The following EMILIN2 variants were observed in gnomAD, a reference collection of about 807,000 sequenced individuals.
The protein encoded by EMILIN2 is elastin microfibril interfacer 2, also known as EMILIN-2.
EMILIN2 carries 71 observed loss-of-function variants against 87.1 expected under a neutral mutation model. That is an observed-to-expected ratio of 0.82 (90% CI 0.67 to 0.99). EMILIN2 has a LOEUF of 0.99. Ranked by LOEUF, EMILIN2 falls within the 50% of genes least tolerant of loss-of-function variation. The pLI is 0.00. For synonymous variants in EMILIN2, 581 were observed against 563.4 expected, an observed-to-expected ratio of 1.03 and a Z score of -0.44; for missense variants, 1,407 against 1,371.8, an observed-to-expected ratio of 1.03 and a Z score of -0.40.
chr18:2,891,598 G>T lies in EMILIN2; in HGVS notation c.1471G>T (p.Asp491Tyr). The T allele has an allele frequency of 6.2e-7, 1 of 1,614,056 alleles. No homozygotes were observed. Among genetic ancestry groups the T allele is most frequent in the South Asian group, 1.1e-5 (1 of 91,076 alleles). Reference sequence around the variant, plus strand: ...GGTGGGTGACTTGAAGCAGCTTGTTGATCAGAAAATACAGTCTCTGGAAGA... The same window carrying T: ...GGTGGGTGACTTGAAGCAGCTTGTTTATCAGAAAATACAGTCTCTGGAAGA... ...GEVGDLKQLVDQKIQSLEDRL... is the reference protein window; with the variant it reads ...GEVGDLKQLVYQKIQSLEDRL... The change falls in exon 4 of 8, where the codon GAT becomes TAT. Residue 491 changes from aspartate to tyrosine, a missense_variant. Transcript: ENST00000254528. This position sits in a 1 kb window ranked among gnomAD's most constrained non-coding sequence, Gnocchi z 4.6.
chr18:2,896,235 G>A (rs1476282617), intron 4 of EMILIN2, among the ~76,000 whole-genome samples: 6 of 152,178 alleles, frequency 3.9e-5, no homozygotes, highest in African/African-American at 1.4e-4. Context: ...GAGTGCAGTG[G>A]CGTGATCTTG....
rs1430988352 is a variant in EMILIN2, at chr18:2,914,474, C to A, written c.*1070C>A. On this transcript the variant is annotated 3_prime_UTR_variant, in exon 8 of 8. Transcript: ENST00000254528. Reference sequence around the variant, plus strand: ...CCTAACGCTGGCCACACGCTGACAGCTGAGCCCATCTGAGAACACGGCATC... The same window carrying A: ...CCTAACGCTGGCCACACGCTGACAGATGAGCCCATCTGAGAACACGGCATC... 1.3e-5 allele frequency: 2 copies of A among 152,218 alleles called. No homozygotes were observed. Among genetic ancestry groups the A allele is most frequent in the Non-Finnish European group, 2.9e-5 (2 of 68,046 alleles). The allele number at this position is 152,218 out of a possible 1,614,324, so 9.4% of individuals were successfully genotyped here. A position where few individuals can be genotyped will look rare whatever the true frequency, so the allele number is the denominator to read the frequency against.
At chr18:2,899,214 T>G (rs1302874355) in intron 4 of EMILIN2, among the ~76,000 whole-genome samples, 1 of 152,080 alleles carries the variant, frequency 6.6e-6, no homozygotes, top group Non-Finnish European at 1.5e-5. Context: ...TCCTGGAAAT[T>G]GAAGGCTACC....
chr18:2,889,682 T>C (rs1291844352), intron 3 of EMILIN2, among the ~76,000 whole-genome samples: 2 of 145,948 alleles, frequency 1.4e-5, no homozygotes, highest in African/African-American at 5.1e-5. Context: ...TCTTCTTCTT[T>C]TTTTCTTTTC....
At chr18:2,884,187 A>AC (rs2076791413) in intron 2 of EMILIN2, among the ~76,000 whole-genome samples, 1 of 151,980 alleles carries the variant, frequency 6.6e-6, no homozygotes, top group Non-Finnish European at 1.5e-5. Context: ...CGATCTCCTG[A>AC]CCTCGTGATC....
chr18:2,904,347 G>A (rs1294648159), intron 4 of EMILIN2, among the ~76,000 whole-genome samples: 1 of 152,174 alleles, frequency 6.6e-6, no homozygotes, highest in East Asian at 1.9e-4. Context: ...GGGAAGTTGT[G>A]TGTTTATTTG....
At position 2,915,929 on chromosome 18, in the gene EMILIN2, A is replaced by G. The variant is rs558043979; in HGVS notation, c.*2525A>G. ...TCCAAACCTCCATGTAACACTAACAAATGGCCTCATTTACACGATTAAAAA... is the reference window on the plus strand; with the variant it reads ...TCCAAACCTCCATGTAACACTAACAGATGGCCTCATTTACACGATTAAAAA... On this transcript the variant is annotated 3_prime_UTR_variant, in exon 8 of 8. Transcript: ENST00000254528. The G allele has an allele frequency of 6.6e-6, 1 of 152,350 alleles. No individual in the cohort carries two copies. 9.4% of individuals were successfully genotyped at this position (152,350 alleles called of 1,614,324 possible). A position where few individuals can be genotyped will look rare whatever the true frequency, so the allele number is the denominator to read the frequency against.
At chr18:2,889,692 C>CTTTTTTTTT (rs34248672) in intron 3 of EMILIN2, among the ~76,000 whole-genome samples, 1 of 96,654 alleles carries the variant, frequency 1.0e-5, no homozygotes, top group African/African-American at 4.1e-5. Context: ...TTTTTCTTTT[C>CTTTTTTTTT]TTTTTTTTTT....
At chr18:2,849,316 T>C (rs1399546171) in intron 2 of EMILIN2, among the ~76,000 whole-genome samples, 3 of 152,250 alleles carry the variant, frequency 2.0e-5, no homozygotes, top group African/African-American at 7.2e-5. Flanking sequence ...AGGAATATTT[T>C]ATTCATCTTA....
At chr18:2,889,128 CTTTTCTTTTTTTTTT>C (rs2076818913) in intron 3 of EMILIN2, among the ~76,000 whole-genome samples, 1 of 83,008 alleles carries the variant, frequency 1.2e-5, no homozygotes, top group African/African-American at 4.3e-5. Flanking sequence ...TCATTTCTTT[CTTTTCTTTTTTTTTT>C]TTTTTTTTTT....
chr18:2,895,913 T>C (rs1453612328), intron 4 of EMILIN2, among the ~76,000 whole-genome samples: 2 of 152,204 alleles, frequency 1.3e-5, no homozygotes, highest in Non-Finnish European at 2.9e-5. Flanking sequence ...AGATGTGTGA[T>C]GGTTTTGGAC....
In EMILIN2 at chr18:2,894,748, C is replaced by T. The variant is rs572273053; in HGVS notation, c.2359+2262C>T. The stretch of plus-strand genomic sequence containing the variant: ...AGAATTTCATTGATTGGAAAAGAGC[C>T]AGAAATAAACAAGCAGAGCCTCCTC... On this transcript the variant is annotated intron_variant, in intron 4 of 7. Coordinates refer to ENST00000254528, the MANE Select transcript of EMILIN2 (RefSeq NM_032048.3). This position sits in a 1 kb window ranked among gnomAD's most constrained non-coding sequence, Gnocchi z 5.0. 1.2e-3 allele frequency among the ~76,000 whole-genome samples: 183 copies of T among 152,208 alleles called. No homozygotes were observed. The highest frequency in any genetic ancestry group is 4.3e-3 in the African/African-American group (177 of 41,534).
At chr18:2,868,454 G>A (rs1281699034) in intron 2 of EMILIN2, among the ~76,000 whole-genome samples, 1 of 152,244 alleles carries the variant, frequency 6.6e-6, no homozygotes, top group Non-Finnish European at 1.5e-5. Flanking sequence ...AGGCGGCTGG[G>A]AGGTGGTTGC....
At chr18:2,846,386 T>C (rs1465364924), upstream of EMILIN2, among the ~76,000 whole-genome samples, 3 of 152,236 alleles carry the variant, frequency 2.0e-5, no homozygotes, top group Non-Finnish European at 4.4e-5. This position sits in a 1 kb window ranked among gnomAD's most constrained non-coding sequence, Gnocchi z 5.3. Context: ...CAGTAAGTGA[T>C]AGAGCCGGAC....
At chr18:2,908,634 ACT>A (rs1314080835) in intron 5 of EMILIN2, among the ~76,000 whole-genome samples, 4 of 152,142 alleles carry the variant, frequency 2.6e-5, no homozygotes, top group African/African-American at 4.8e-5. Context: ...GGCTTGTGTG[ACT>A]CTCTCAGTCA....
rs76184022 is a variant in EMILIN2 at position 2,912,453 on chromosome 18, C to T, written c.2825-614C>T. ...GCCCGTGAGTGATGGCCATTCCTGC[C>T]GGCATTTGGTGTTGGCACTGACTCT... On this transcript the variant is annotated intron_variant, in intron 7 of 7. Transcript: ENST00000254528. Among the ~76,000 whole-genome samples the T allele has an allele frequency of 7.2e-5, 11 of 152,284 alleles. No homozygotes were observed. In the East Asian group the frequency reaches 1.2e-3, roughly 16 times the overall value.
At chr18:2,903,709 ACC>A (rs1372578031) in intron 4 of EMILIN2, among the ~76,000 whole-genome samples, 2 of 152,164 alleles carry the variant, frequency 1.3e-5, no homozygotes, top group Non-Finnish European at 2.9e-5. Context: ...GAGTCTTCCT[ACC>A]CTTCAACAGC....
intron 2 of EMILIN2, among the ~76,000 whole-genome samples, chr18:2,849,412 G>T (rs987770645): frequency 6.6e-6 from 1 of 152,136 alleles, no homozygotes; most frequent in Non-Finnish European, 1.5e-5. Flanking sequence ...ATTTTGGGAG[G>T]TAATGCATTT....
At chr18:2,903,438 G>A (rs765557673) in intron 4 of EMILIN2, among the ~76,000 whole-genome samples, 12 of 152,008 alleles carry the variant, frequency 7.9e-5, no homozygotes, top group East Asian at 1.9e-4. Flanking sequence ...TTCTTCCCAC[G>A]CCCCAGAGGC....
Sources: allele counts gnomAD v4.1 joint callset (sites outside exome capture counted in the v4.1 genomes callset), GRCh38; gene constraint gnomAD v4.1.1; non-coding constraint Gnocchi (gnomAD v3.1); transcripts MANE v1.5; gene names NCBI Gene and HGNC (gene_info 2026-07-23, HGNC 2026-07-21).